FRA10AC1: variants seen among roughly 807,000 people sequenced by gnomAD.
FRA10AC1 encodes protein FRA10AC1.
Under a neutral mutation model 56.5 loss-of-function variants are expected in FRA10AC1, and 43 were observed. That is an observed-to-expected ratio of 0.76 (90% confidence interval 0.60 to 0.98). The LOEUF (loss-of-function observed/expected upper bound fraction) is 0.98. FRA10AC1 is among the 50% of genes least tolerant of loss of function. The probability of loss-of-function intolerance (pLI) is 0.00; values close to 1 mark genes in which losing one functional copy is unlikely to be tolerated. For missense variants in FRA10AC1, 346 were observed against 351.8 expected (o/e 0.98, Z 0.13); for synonymous variants, 112 against 110.5 (o/e 1.01, Z -0.09).
In FRA10AC1 at chr10:93,668,744, TACC is replaced by T. The variant is rs2058716749; in HGVS notation, c.*1079_*1081del. On this transcript the variant is annotated 3_prime_UTR_variant, in exon 14 of 14. Coordinates refer to ENST00000359204, the MANE Select transcript of FRA10AC1 (RefSeq NM_145246.5). ...ATCAGATCTTGTGAGACTTATTCAC[TACC>T]ACAAGAACAATATGGGGGAAACCGC... 6.6e-6 allele frequency: 1 copy of T among 152,236 alleles called. No individual in the cohort carries two copies. Among genetic ancestry groups the T allele is most frequent in the Non-Finnish European group, 1.5e-5 (1 of 68,078 alleles). The allele number at this position is 152,236 out of a possible 1,614,324, so 9.4% of individuals were successfully genotyped here.
intron 4 of FRA10AC1, among the ~76,000 whole-genome samples, chr10:93,696,791 C>T (rs577942628): frequency 3.3e-5 from 5 of 152,268 alleles, no homozygotes; most frequent in African/African-American, 1.2e-4. Flanking sequence ...GGAATGAGAT[C>T]ATGTCCTTTG....
intron 12 of FRA10AC1, chr10:93,674,315 T>A (rs527769158): frequency 1.3e-5 from 2 of 152,170 alleles, no homozygotes; most frequent in African/African-American, 4.8e-5. Context: ...TCCATGGATT[T>A]GGTTTTAATA....
intron 10 of FRA10AC1, among the ~76,000 whole-genome samples, chr10:93,683,068 T>C (rs1221714159): frequency 6.6e-6 from 1 of 152,196 alleles, no homozygotes; most frequent in African/African-American, 2.4e-5. Flanking sequence ...CAAAGGCAAG[T>C]TGCGAAGAAT....
rs574627594 is a variant in FRA10AC1 at position 93,667,991 on chromosome 10, T to C, written c.*1835A>G. On this transcript the variant is annotated 3_prime_UTR_variant, in exon 14 of 14. Transcript: ENST00000359204. ...TTTTCTGAAACAGGTTCAGAAATGA[T>C]TGCATAATTACTTCCTAGATGGTTC... The C allele has an allele frequency of 2.6e-5, 4 of 152,320 alleles. No individual in the cohort carries two copies. In the East Asian group the frequency reaches 7.7e-4, roughly 29 times the overall value. 9.4% of individuals were successfully genotyped at this position (152,320 alleles called of 1,614,324 possible). A position where few individuals can be genotyped will look rare whatever the true frequency, so the allele number is the denominator to read the frequency against.
chr10:93,699,762 A>G (rs1407352420), intron 2 of FRA10AC1, among the ~76,000 whole-genome samples: 1 of 152,224 alleles, frequency 6.6e-6, no homozygotes, highest in Non-Finnish European at 1.5e-5. Flanking sequence ...ATGTAATGAA[A>G]AGGTTTCACT....
intron 2 of FRA10AC1, among the ~76,000 whole-genome samples, chr10:93,699,365 A>G (rs1240267581): frequency 6.6e-6 from 1 of 152,196 alleles, no homozygotes; most frequent in Admixed American, 6.6e-5. Context: ...GCTTAAAAAA[A>G]TCAGTCAACA....
rs556084647 is a variant in FRA10AC1 at position 93,700,790 on chromosome 10, AC to A, written c.1-685del. Among the ~76,000 whole-genome samples the A allele has an allele frequency of 9.9e-4, 151 of 152,166 alleles. 1 individual carries two copies. Among genetic ancestry groups the A allele is most frequent in the African/African-American group, 3.4e-3 (143 of 41,512 alleles). On this transcript the variant is annotated intron_variant, in intron 1 of 13. Coordinates refer to ENST00000359204, the MANE Select transcript of FRA10AC1 (RefSeq NM_145246.5). The stretch of plus-strand genomic sequence containing the variant: ...TTTCTTTTGAGTTTCTTTAAGGTAA[AC>A]CACCTTGCCCTTTGGATTAGTCAGC...
At chr10:93,670,991 C>T (rs2058752037) in intron 12 of FRA10AC1, 143 bp from the exon 13 acceptor site, 4 of 578,432 alleles carry the variant, frequency 6.9e-6, no homozygotes, top group East Asian at 2.9e-5. Flanking sequence ...CTCACAGGTA[C>T]AATAAATTCT....
chr10:93,693,638 T>G, intron 5 of FRA10AC1, among the ~76,000 whole-genome samples: 1 of 142,696 alleles, frequency 7.0e-6, no homozygotes, highest in Non-Finnish European at 1.5e-5. Flanking sequence ...ACCATATATA[T>G]ACACACCATA....
At chr10:93,696,461 C>G (rs2059237270) in intron 4 of FRA10AC1, among the ~76,000 whole-genome samples, 1 of 152,192 alleles carries the variant, frequency 6.6e-6, no homozygotes, top group Non-Finnish European at 1.5e-5. Context: ...ACAACAGATG[C>G]TAGCAAGGCT....
Position 93,668,091 on chromosome 10 carries a change from C to T in FRA10AC1, c.*1735G>A, listed in dbSNP as rs961487574. The T allele has an allele frequency of 2.6e-5, 4 of 152,122 alleles. No individual in the cohort carries two copies. Among genetic ancestry groups the T allele is most frequent in the Admixed American group, 2.6e-4 (4 of 15,260 alleles). 9.4% of individuals were successfully genotyped at this position (152,122 alleles called of 1,614,324 possible). ...AAATATTTGTGGAATTAATGAATAACTGTTTAATAAAAGGAAAATCTCTGA... is the reference window on the plus strand; with the variant it reads ...AAATATTTGTGGAATTAATGAATAATTGTTTAATAAAAGGAAAATCTCTGA... On this transcript the variant is annotated 3_prime_UTR_variant, in exon 14 of 14. Coordinates refer to ENST00000359204, the MANE Select transcript of FRA10AC1 (RefSeq NM_145246.5).
chr10:93,695,040 GC>G lies in FRA10AC1; in HGVS notation c.220-104del, dbSNP rs575265620. 173 of 675,000 alleles carry G rather than the reference GC, an allele frequency of 2.6e-4. No homozygotes were observed. The East Asian group carries it at 4.5e-3, about 18-fold the overall frequency. 41.8% of individuals were successfully genotyped at this position (675,000 alleles called of 1,614,324 possible). On this transcript the variant is annotated intron_variant, in intron 4 of 13. Transcript: ENST00000359204. The stretch of plus-strand genomic sequence containing the variant: ...AAAAAGCACAATATGAGTCTATTTA[GC>G]TTTTTAAAAATATTCACACACTATA...
rs1320529744 is a variant in FRA10AC1, at chr10:93,670,849, C to T, written c.827-1G>A. ...GCACTTTCTTCCTCATCAGAGTTTC[C>T]TGTTCATTTAAAAAAGATGATTTTT... is the stretch of plus-strand genomic sequence containing the variant. On this transcript the variant is annotated splice_acceptor_variant, in intron 12 of 13. Coordinates refer to ENST00000359204, the MANE Select transcript of FRA10AC1 (RefSeq NM_145246.5). LOFTEE classifies it high-confidence loss of function. The T allele has an allele frequency of 3.1e-6, 5 of 1,604,368 alleles. No homozygotes were observed. In the South Asian group the frequency reaches 5.5e-5, roughly 18 times the overall value.
intron 12 of FRA10AC1, chr10:93,671,356 C>T (rs1307005001): frequency 6.6e-6 from 1 of 152,596 alleles, no homozygotes; most frequent in Non-Finnish European, 1.5e-5. Context: ...TGAGAAGAAG[C>T]CTGTTTCAGG....
At chr10:93,694,813 G>A (rs774008259) in intron 5 of FRA10AC1, 48 bp downstream of exon 5, 47 of 933,888 alleles carry the variant, frequency 5.0e-5, no homozygotes, top group Non-Finnish European at 7.5e-5. Context: ...GGTCTTTAAA[G>A]TTTCCCATAA....
chr10:93,691,439 A>G (rs1374503484), intron 7 of FRA10AC1, among the ~76,000 whole-genome samples: 1 of 152,186 alleles, frequency 6.6e-6, no homozygotes, highest in East Asian at 1.9e-4. Flanking sequence ...AGCCTCCCAA[A>G]GTGCTGAGAT....
chr10:93,693,518 T>TG (rs2059166981), intron 5 of FRA10AC1, among the ~76,000 whole-genome samples: 2 of 79,922 alleles, frequency 2.5e-5, no homozygotes, highest in African/African-American at 1.6e-4. Flanking sequence ...ACACCATATA[T>TG]ATATATATAC....
Position 93,669,794 on chromosome 10 carries a change from A to C in FRA10AC1, c.*32T>G, listed in dbSNP as rs756036020. On this transcript the variant is annotated 3_prime_UTR_variant, in exon 14 of 14. Coordinates refer to ENST00000359204, the MANE Select transcript of FRA10AC1 (RefSeq NM_145246.5). ...GAAGTTTAAAACTTCATGAAGTTTC[A>C]CATTAAGGAGCGGAGGCTTCTCTCT... The C allele has an allele frequency of 1.1e-5, 16 of 1,455,032 alleles. No homozygotes were observed. The highest frequency in any genetic ancestry group is 3.6e-4 in the Middle Eastern group (2 of 5,596). The allele number at this position is 1,455,032 out of a possible 1,614,324, so 90.1% of individuals were successfully genotyped here.
intron 2 of FRA10AC1, among the ~76,000 whole-genome samples, chr10:93,699,176 C>T (rs769605854): frequency 1.5e-4 from 23 of 152,124 alleles, no homozygotes; most frequent in Admixed American, 9.2e-4. Context: ...TCTATTCTTA[C>T]AAAGTAGTAT....
Sources: allele counts gnomAD v4.1 joint callset (sites outside exome capture counted in the v4.1 genomes callset), GRCh38; gene constraint gnomAD v4.1.1; transcripts MANE v1.5; gene names NCBI Gene and HGNC (gene_info 2026-07-23, HGNC 2026-07-21).